The following FLG variants were observed in gnomAD, a reference collection of about 807,000 sequenced individuals.
FLG encodes filaggrin, also known as epidermal filaggrin.
FLG carries 6 observed loss-of-function variants against 3.8 expected under a neutral mutation model. The ratio of observed to expected loss-of-function variants is 1.60; its 90% CI spans 0.87 to 3.15. The LOEUF is 3.15. Among genes scored for constraint, FLG ranks in the 30% most tolerant of loss-of-function variants. FLG has a pLI of 0.00. For missense variants in FLG, 7,595 were observed against 5,050.9 expected (o/e 1.50, Z -15.27); for synonymous variants, 2,551 against 1,931.6 (o/e 1.32, Z -8.41).
At position 152,308,831 on chromosome 1, in the gene FLG, G is replaced by T. The variant is rs1280607788; in HGVS notation, c.6055C>A (p.His2019Asn). The T allele has an allele frequency of 3.1e-6, 5 of 1,614,192 alleles. No homozygotes were observed. The South Asian group carries it at 4.4e-5, about 14-fold the overall frequency. ...HQLQSADSSRHSGIGHGQASS... is the reference protein window; with the variant it reads ...HQLQSADSSRNSGIGHGQASS... ...GCTTGTCCATGCCCAATGCCTGAGT[G>T]TCTGGAGCTGTCTGCTGACTGGAGC... The change falls in exon 3 of 3, where the codon CAC (histidine) becomes AAC (asparagine). Residue 2019 changes from histidine to asparagine, a missense_variant. Transcript: ENST00000368799.
At position 152,302,715 on chromosome 1, in the gene FLG, G is replaced by C. The variant is rs763418475; in HGVS notation, c.12171C>G (p.Tyr4057Ter). The part of the protein sequence containing the change: ...KQLGFSQSQR[Y>*]YYYE Reference sequence around the variant, plus strand: ...CATTAATTTCTTACTCATAGTAATAGTATCTCTGTGACTGACTAAATCCCA... The same window carrying C: ...CATTAATTTCTTACTCATAGTAATACTATCTCTGTGACTGACTAAATCCCA... Residue 4057 changes from tyrosine to a stop codon, truncating the protein, a stop_gained, in exon 3 of 3, where the codon TAC becomes TAG. Transcript: ENST00000368799. LOFTEE classifies it high-confidence loss of function. 3.1e-6 allele frequency: 5 copies of C among 1,613,146 alleles called. No homozygotes were observed. The highest frequency in any genetic ancestry group is 4.2e-6 in the Non-Finnish European group (5 of 1,179,162).
At chr1:152,317,474 T>C (rs1172894137) in intron 1 of FLG, among the ~76,000 whole-genome samples, 1 of 152,118 alleles carries the variant, frequency 6.6e-6, no homozygotes, top group Non-Finnish European at 1.5e-5. Flanking sequence ...TTTTACATAT[T>C]ACTTGACATA....
chr1:152,312,622 TC>T lies in FLG; in HGVS notation c.2263del (p.Glu755LysfsTer43). 1 of 1,613,786 alleles carries T rather than the reference TC, an allele frequency of 6.2e-7. No individual in the cohort carries two copies. Among genetic ancestry groups the T allele is most frequent in the East Asian group, 2.2e-5 (1 of 44,818 alleles). On this transcript the variant is annotated frameshift_variant, in exon 3 of 3. Coordinates refer to ENST00000368799, the MANE Select transcript of FLG (RefSeq NM_002016.2). LOFTEE classifies it low-confidence loss of function (END_TRUNC). ...SQATDSEGHS[E>X]DSDTQSVSGH... Reference sequence around the variant, plus strand: ...TGACACTGACTGTGTGTCTGAGTCTTCTGAATGTCCCTCACTGTCAGTGGCC... The same window carrying T: ...TGACACTGACTGTGTGTCTGAGTCTTTGAATGTCCCTCACTGTCAGTGGCC...
rs138493013 is a variant in FLG, at chr1:152,304,671, G to C, written c.10215C>G (p.Thr3405=). 7.6e-5 allele frequency: 122 copies of C among 1,611,764 alleles called. 4 individuals carry two copies. Among genetic ancestry groups the C allele is most frequent in the Non-Finnish European group, 9.9e-5 (117 of 1,179,072 alleles). The part of the protein sequence containing the change: ...QSESAHGRTR[T]STGRRQGSHH... ...GGGATCCTTGTCTTCGTCCAGTGCT[G>C]GTCCTGGTCCGCCCATGGGCAGACT... Residue 3405 remains threonine (T), a synonymous_variant, in exon 3 of 3, where the codon ACC becomes ACG. Transcript: ENST00000368799.
At chr1:152,315,592 A>T (rs1159467241) in intron 1 of FLG, 115 bp from the exon 2 acceptor site, 1 of 745,276 alleles carries the variant, frequency 1.3e-6, no homozygotes, top group Non-Finnish European at 2.1e-6. Flanking sequence ...TCCATCTTTA[A>T]GAATGGAAGA....
In FLG at chr1:152,303,668, C is replaced by T. The variant is rs528925319; in HGVS notation, c.11218G>A (p.Glu3740Lys). Reference protein sequence around the residue: ...STGGRQGSRHEQARDSSRHSA... With the variant: ...STGGRQGSRHKQARDSSRHSA... ...TGCCTGGAGCTGTCTCGTGCCTGCT[C>T]GTGGCGGGATCCTTGTCTTCCTCCA... is the stretch of plus-strand genomic sequence containing the variant. The change falls in exon 3 of 3, where the codon GAG (glutamate) becomes AAG (lysine). Residue 3740 changes from glutamate to lysine, a missense_variant. Transcript: ENST00000368799. 36 of 1,613,954 alleles carry T rather than the reference C, an allele frequency of 2.2e-5. No individual in the cohort carries two copies. Among genetic ancestry groups the T allele is most frequent in the Admixed American group, 1.3e-4 (8 of 59,944 alleles).
rs749592622 is a variant in FLG at position 152,305,298 on chromosome 1, C to A, written c.9588G>T (p.Gln3196His). Reference protein sequence around the residue: ...STHADISRHSQAVQGQSEGSR... With the variant: ...STHADISRHSHAVQGQSEGSR... ...ACCCCTCTGATTGTCCCTGGACTGCCTGTGAGTGTCTAGAGATGTCGGCAT... is the reference window on the plus strand; with the variant it reads ...ACCCCTCTGATTGTCCCTGGACTGCATGTGAGTGTCTAGAGATGTCGGCAT... The change falls in exon 3 of 3, where the codon CAG (glutamine) becomes CAT (histidine). Residue 3196 changes from glutamine (Q) to histidine (H), a missense_variant. Coordinates refer to ENST00000368799, the MANE Select transcript of FLG (RefSeq NM_002016.2). The A allele has an allele frequency of 6.2e-7, 1 of 1,611,564 alleles. No individual in the cohort carries two copies. The highest frequency in any genetic ancestry group is 8.5e-7 in the Non-Finnish European group (1 of 1,179,696).
At position 152,314,301 on chromosome 1, in the gene FLG, G is replaced by T. The variant is rs375267392; in HGVS notation, c.585C>A (p.Asp195Glu). 6.2e-6 allele frequency: 10 copies of T among 1,612,474 alleles called. No homozygotes were observed. The highest frequency in any genetic ancestry group is 1.3e-5 in the African/African-American group (1 of 74,582). ...KNKTENTRLGDNRKRLSERLE... is the reference protein window; with the variant it reads ...KNKTENTRLGENRKRLSERLE... ...GTCTTTCACTTAGCCTCTTCCTATT[G>T]TCTCCTAATCTAGTATTTTCAGTCT... The change falls in exon 3 of 3, where the codon GAC becomes GAA. Residue 195 changes from aspartate to glutamate, a missense_variant. Physicochemically the swap from Asp to Glu is conservative, Grantham distance 45 (BLOSUM62 2). Coordinates refer to ENST00000368799, the MANE Select transcript of FLG (RefSeq NM_002016.2).
rs1652747752 is a variant in FLG at position 152,315,336 on chromosome 1, A to T, written c.121T>A (p.Phe41Ile). The T allele has an allele frequency of 6.2e-7, 1 of 1,613,312 alleles. No individual in the cohort carries two copies. The highest frequency in any genetic ancestry group is 1.7e-5 in the Admixed American group (1 of 59,988). ...KELKELLEKE[F>I]RQILKNPDDP... ...ACTCTTACCTTCAGGATTTGCCGAAATTCCTTTTCCAGAAGTTCCTTCAGC... is the reference window on the plus strand; with the variant it reads ...ACTCTTACCTTCAGGATTTGCCGAATTTCCTTTTCCAGAAGTTCCTTCAGC... Residue 41 changes from phenylalanine to isoleucine, a missense_variant, in exon 2 of 3, where the codon TTT becomes ATT. Coordinates refer to ENST00000368799, the MANE Select transcript of FLG (RefSeq NM_002016.2).
rs58994455 is a variant in FLG at position 152,309,549 on chromosome 1, A to G, written c.5337T>C (p.His1779=). ...CTCCAGTGCTGGGCCCTGTGCGTCC[A>G]TGGGCGGACTCAGACTGTTCATGAG... The part of the protein sequence containing the change: ...VSTHEQSESA[H]GRTGPSTGGR... The change falls in exon 3 of 3, where the codon CAT becomes CAC. Residue 1779 remains histidine, a synonymous_variant. Coordinates refer to ENST00000368799, the MANE Select transcript of FLG (RefSeq NM_002016.2). The G allele has an allele frequency of 1.8e-3, 2,922 of 1,613,390 alleles. 53 individuals are homozygous for G. The African/African-American group carries it at 0.034, about 19-fold the overall frequency.
chr1:152,308,540 C>A lies in FLG; in HGVS notation c.6346G>T (p.Gly2116Ter). Reference sequence around the variant, plus strand: ...TCTTGTGCCTGATCATAATGGGATCCTTGTCTTCCTCCAGTGCTGGGCGCA... The same window carrying A: ...TCTTGTGCCTGATCATAATGGGATCATTGTCTTCCTCCAGTGCTGGGCGCA... ...QSAPSTGGRQ[G>*]SHYDQAQDSS... The change falls in exon 3 of 3, where the codon GGA (glycine) becomes TGA (stop). Residue 2116 changes from glycine to a stop codon, truncating the protein, a stop_gained. Coordinates refer to ENST00000368799, the MANE Select transcript of FLG (RefSeq NM_002016.2). LOFTEE classifies it low-confidence loss of function (END_TRUNC). 1.2e-6 allele frequency: 2 copies of A among 1,613,618 alleles called. No homozygotes were observed. Among genetic ancestry groups the A allele is most frequent in the Non-Finnish European group, 1.7e-6 (2 of 1,179,702 alleles).
rs1391121481 is a variant in FLG, at chr1:152,311,146, G to C, written c.3740C>G (p.Ser1247Cys). ...TTCCTGTCCCACCTGTGAGTGTCTA[G>C]AGCTGTCAGCCCAAGAGGCAGCTTC... ...HHEAASWADS[S>C]RHSQVGQEQS... Residue 1247 changes from serine to cysteine, a missense_variant, in exon 3 of 3, where the codon TCT (serine) becomes TGT (cysteine). By Grantham distance (112) the Ser-to-Cys change is moderately radical (BLOSUM62 -1). Transcript: ENST00000368799. 4.3e-6 allele frequency: 7 copies of C among 1,613,734 alleles called. No homozygotes were observed. The highest frequency in any genetic ancestry group is 1.3e-5 in the African/African-American group (1 of 74,822).
At position 152,302,502 on chromosome 1, in the gene FLG, A is replaced by G. The variant is rs1218712893; in HGVS notation, c.*198T>C. On this transcript the variant is annotated 3_prime_UTR_variant, in exon 3 of 3. Coordinates refer to ENST00000368799, the MANE Select transcript of FLG (RefSeq NM_002016.2). ...TCCATGATATTGATTTCTTCCATTT[A>G]ATATTTCTGAAATATAGCGTTTAAA... The G allele has an allele frequency of 1.5e-6, 1 of 677,716 alleles. No homozygotes were observed. Among genetic ancestry groups the G allele is most frequent in the East Asian group, 2.8e-5 (1 of 35,742 alleles). 42.0% of individuals were successfully genotyped at this position (677,716 alleles called of 1,614,324 possible).
rs745427132 is a variant in FLG, at chr1:152,310,165, G to C, written c.4721C>G (p.Ser1574Ter). ...CGCTGATTCTCCCTGGCCCACCTGT[G>C]AGTGTCTAGAGCTGCCGGCCCGAGT... ...PSTRAGSSRH[S>*]QVGQGESAGS... Residue 1574 changes from serine to a stop codon, truncating the protein, a stop_gained, in exon 3 of 3, where the codon TCA becomes TGA. Transcript: ENST00000368799. LOFTEE classifies it low-confidence loss of function (END_TRUNC). The C allele has an allele frequency of 2.5e-6, 4 of 1,613,748 alleles. No individual in the cohort carries two copies. Among genetic ancestry groups the C allele is most frequent in the Non-Finnish European group, 2.5e-6 (3 of 1,179,970 alleles).
rs892533819 is a variant in FLG, at chr1:152,315,532, A to G, written c.-21-55T>C. 6 of 1,333,408 alleles carry G rather than the reference A, an allele frequency of 4.5e-6. No individual in the cohort carries two copies. In the African/African-American group the frequency reaches 5.9e-5, roughly 13 times the overall value. 82.6% of individuals were successfully genotyped at this position (1,333,408 alleles called of 1,614,324 possible). On this transcript the variant is annotated intron_variant, in intron 1 of 2. Transcript: ENST00000368799. Reference sequence around the variant, plus strand: ...TTATACATCTTTTTTTCTAGGTTATATTATTACAATCATTTTCCACATTTT... The same window carrying G: ...TTATACATCTTTTTTTCTAGGTTATGTTATTACAATCATTTTCCACATTTT...
rs2101642513 is a variant in FLG at position 152,308,044 on chromosome 1, T to A, written c.6842A>T (p.His2281Leu). The A allele has an allele frequency of 6.2e-7, 1 of 1,614,104 alleles. No homozygotes were observed. Among genetic ancestry groups the A allele is most frequent in the Non-Finnish European group, 8.5e-7 (1 of 1,180,010 alleles). ...AQEQSRDGSR[H>L]PRSHHEDRAG... ...TCTGTCTTCGTGATGGGACCTGGGG[T>A]GTCTGGAGCCATCTCTTGACTGCTC... The change falls in exon 3 of 3, where the codon CAC becomes CTC. Residue 2281 changes from histidine to leucine, a missense_variant. Transcript: ENST00000368799.
Position 152,314,349 on chromosome 1 carries a change from G to A in FLG, c.537C>T (p.Asn179=), listed in dbSNP as rs766625413. 10 of 1,611,944 alleles carry A rather than the reference G, an allele frequency of 6.2e-6. No homozygotes were observed. Among genetic ancestry groups the A allele is most frequent in the Non-Finnish European group, 3.4e-6 (4 of 1,179,390 alleles). Residue 179 remains asparagine (N), a synonymous_variant, in exon 3 of 3, where the codon AAC becomes AAT. Coordinates refer to ENST00000368799, the MANE Select transcript of FLG (RefSeq NM_002016.2). ...TCTTGTTTTTCTCTTTTTTACTTGA[G>A]TTATGATGGTTTTTTCCATATTCTT... The part of the protein sequence containing the change: ...REEEYGKNHH[N]SSKKEKNKTE...
rs1415238526 is a variant in FLG at position 152,314,252 on chromosome 1, C to T, written c.634G>A (p.Glu212Lys). 2.5e-6 allele frequency: 4 copies of T among 1,613,366 alleles called. No homozygotes were observed. The South Asian group carries it at 4.4e-5, about 18-fold the overall frequency. ...ERLEEKEDNE[E>K]GVYDYENTGR... ...GTATTTTCATAATCATATACTCCTT[C>T]TTCATTGTCTTCTTTCTCTTCAAGT... The change falls in exon 3 of 3, where the codon GAA (glutamate) becomes AAA (lysine). Residue 212 changes from glutamate (E) to lysine (K), a missense_variant. Coordinates refer to ENST00000368799, the MANE Select transcript of FLG (RefSeq NM_002016.2).
Position 152,312,770 on chromosome 1 carries a change from C to G in FLG, c.2116G>C (p.Glu706Gln). ...SHEQARSSAG[E>Q]RHGSRHQLQS... ...AGCTGGTGGCGGGATCCATGTCTTT[C>G]TCCTGCACTTGATCTTGCCTGTTCA... The change falls in exon 3 of 3, where the codon GAA becomes CAA. Residue 706 changes from glutamate (E) to glutamine (Q), a missense_variant. Physicochemically the swap from Glu to Gln is conservative, Grantham distance 29. Coordinates refer to ENST00000368799, the MANE Select transcript of FLG (RefSeq NM_002016.2). The G allele has an allele frequency of 6.2e-7, 1 of 1,613,978 alleles. No homozygotes were observed. The highest frequency in any genetic ancestry group is 8.5e-7 in the Non-Finnish European group (1 of 1,180,008).
Sources: gnomAD v4.1 joint callset for allele counts (sites outside exome capture counted in the v4.1 genomes callset) on GRCh38, gnomAD v4.1.1 for gene constraint, MANE v1.5 for transcripts, NCBI Gene and HGNC (gene_info 2026-07-23, HGNC 2026-07-21) for gene names.